Variants in ASPH observed in about 807,000 individuals in gnomAD.
ASPH encodes aspartyl/asparaginyl beta-hydroxylase.
Under a neutral mutation model 118.4 loss-of-function variants are expected in ASPH, and 100 were observed. The observed-to-expected ratio is 0.84, with a 90% CI of 0.72 to 1.00. ASPH has a LOEUF of 1.00. Among genes scored for constraint, ASPH ranks in the 50% least tolerant of loss-of-function variants. ASPH has a pLI of 0.00. For synonymous variants in ASPH, 315 were observed against 325.6 expected (o/e 0.97, Z 0.35); for missense variants, 920 against 919.5 (o/e 1.00, Z -0.01).
intron 10 of ASPH, among the ~76,000 whole-genome samples, chr8:61,639,573 C>G (rs917577329): frequency 3.9e-5 from 6 of 152,172 alleles, no homozygotes; most frequent in African/African-American, 1.4e-4. Flanking sequence ...TCCTTAAATG[C>G]TGGCTTTCTT....
At chr8:61,560,925 AAAG>A (rs562816956) in intron 18 of ASPH, among the ~76,000 whole-genome samples, 177 of 151,876 alleles carry the variant, frequency 1.2e-3, no homozygotes, top group Admixed American at 8.1e-3. Flanking sequence ...AGATGGAAAG[AAAG>A]AAGGAGGAAA....
At chr8:61,677,431 G>A (rs1010427537) in intron 3 of ASPH, among the ~76,000 whole-genome samples, 12 of 152,178 alleles carry the variant, frequency 7.9e-5, no homozygotes, top group Middle Eastern at 6.8e-3. Context: ...TTGGAACCAC[G>A]TAATTCAGTC....
At chr8:61,534,016 C>T (rs371554299) in intron 21 of ASPH, among the ~76,000 whole-genome samples, 3 of 152,248 alleles carry the variant, frequency 2.0e-5, no homozygotes, top group East Asian at 1.9e-4. Context: ...GGCGCGATCT[C>T]GGCTCACCAC....
At chr8:61,704,199 A>T (rs1835969641) in intron 1 of ASPH, among the ~76,000 whole-genome samples, 1 of 11,978 alleles carries the variant, frequency 8.3e-5, no homozygotes, top group Non-Finnish European at 2.2e-4. Flanking sequence ...CGTCTCAAAA[A>T]AAAAAAAAAA....
chr8:61,652,122 C>A (rs1811321736), intron 4 of ASPH, among the ~76,000 whole-genome samples: 1 of 152,146 alleles, frequency 6.6e-6, no homozygotes, highest in Non-Finnish European at 1.5e-5. Context: ...GTTTATATTT[C>A]ACAAGCCATT....
intron 13 of ASPH, among the ~76,000 whole-genome samples, chr8:61,629,371 C>G (rs1438422828): frequency 6.6e-6 from 1 of 152,150 alleles, no homozygotes; most frequent in African/African-American, 2.4e-5. Flanking sequence ...CTTCATAAGT[C>G]GTTCCATTTG....
chr8:61,689,834 G>C, intron 1 of ASPH: 5 of 1,409,516 alleles, frequency 3.5e-6, no homozygotes, highest in Non-Finnish European at 9.3e-7. Flanking sequence ...CACTGTAAGG[G>C]CCTCTAGAAC....
At chr8:61,706,908 T>C (rs905612367) in intron 1 of ASPH, among the ~76,000 whole-genome samples, 3 of 152,188 alleles carry the variant, frequency 2.0e-5, no homozygotes, top group Non-Finnish European at 1.5e-5. Context: ...GACATTCTCA[T>C]TGGCCCTTTT....
intron 5 of ASPH, among the ~76,000 whole-genome samples, chr8:61,650,727 C>T (rs538368576): frequency 2.0e-5 from 3 of 152,264 alleles, no homozygotes; most frequent in Admixed American, 6.5e-5. Flanking sequence ...TGAACCCGAC[C>T]GTGGGCCTGT....
chr8:61,669,651 T>A (rs1821418383), intron 3 of ASPH, among the ~76,000 whole-genome samples: 1 of 152,210 alleles, frequency 6.6e-6, no homozygotes, highest in Non-Finnish European at 1.5e-5. Flanking sequence ...ATGAGTAGTA[T>A]CTAAGGTGTA....
Position 61,714,472 on chromosome 8 carries a change from C to T in ASPH, c.-101G>A, listed in dbSNP as rs879804974. On this transcript the variant is annotated 5_prime_UTR_variant, in exon 1 of 25. Coordinates refer to ENST00000379454, the MANE Select transcript of ASPH (RefSeq NM_004318.4). ...CGCTGGCGGCGGCGGGCCGCTGGAG[C>T]GGGTTCGGGCCGCTGCTCCTGCAGC... is the stretch of plus-strand genomic sequence containing the variant. 2.0e-5 allele frequency: 27 copies of T among 1,352,016 alleles called. No homozygotes were observed. Among genetic ancestry groups the T allele is most frequent in the Non-Finnish European group, 2.5e-5 (26 of 1,051,744 alleles). The allele number at this position is 1,352,016 out of a possible 1,614,324, so 83.8% of individuals were successfully genotyped here.
chr8:61,621,551 G>C (rs938451953), intron 13 of ASPH, among the ~76,000 whole-genome samples: 2 of 152,164 alleles, frequency 1.3e-5, no homozygotes, highest in Non-Finnish European at 2.9e-5. Flanking sequence ...TGCCAAAGAG[G>C]AAAATGACTT....
chr8:61,542,554 T>A (rs986166098), intron 21 of ASPH, among the ~76,000 whole-genome samples: 4 of 152,212 alleles, frequency 2.6e-5, no homozygotes, highest in African/African-American at 9.6e-5. Flanking sequence ...ATTACATCTT[T>A]CTATGCTATA....
At position 61,714,566 on chromosome 8, in the gene ASPH, C is replaced by G. The variant is rs1838933064; in HGVS notation, c.-195G>C. The G allele has an allele frequency of 2.4e-6, 2 of 841,512 alleles. No homozygotes were observed. The highest frequency in any genetic ancestry group is 1.8e-5 in the African/African-American group (1 of 55,740). The allele number at this position is 841,512 out of a possible 1,614,324, so 52.1% of individuals were successfully genotyped here. On this transcript the variant is annotated 5_prime_UTR_variant, in exon 1 of 25. Coordinates refer to ENST00000379454, the MANE Select transcript of ASPH (RefSeq NM_004318.4). ...CACCCGCCTGCCGGCTGCGCGCGCC[C>G]GGCCTCGCGTGTACGAACCTGTGAC...
chr8:61,508,628 C>A (rs1424609584), intron 24 of ASPH, among the ~76,000 whole-genome samples: 1 of 152,212 alleles, frequency 6.6e-6, no homozygotes, highest in Non-Finnish European at 1.5e-5. Flanking sequence ...AGGCAAAGGA[C>A]ATGACTGTGA....
At chr8:61,667,133 A>G (rs1210919445) in intron 3 of ASPH, among the ~76,000 whole-genome samples, 1 of 152,146 alleles carries the variant, frequency 6.6e-6, no homozygotes, top group Non-Finnish European at 1.5e-5. Context: ...ATCTGTTCAT[A>G]TTTCACCAAA....
At chr8:61,620,588 C>T (rs1431133464) in intron 13 of ASPH, among the ~76,000 whole-genome samples, 1 of 151,956 alleles carries the variant, frequency 6.6e-6, no homozygotes. Context: ...CTGAACTAGA[C>T]TATTCAATAC....
At position 61,517,568 on chromosome 8, in the gene ASPH, G is replaced by T. The variant is rs775444911; in HGVS notation, c.2086C>A (p.Pro696Thr). ...RLRMHLGLVI[P>T]KEGCKIRCAN... ...CATCGAATCTTGCAGCCTTCCTTGGGAATCACCAAGCCCAGGTGCATTCGG... is the reference window on the plus strand; with the variant it reads ...CATCGAATCTTGCAGCCTTCCTTGGTAATCACCAAGCCCAGGTGCATTCGG... Residue 696 changes from proline (P) to threonine (T), a missense_variant, in exon 24 of 25, where the codon CCC (proline) becomes ACC (threonine). Transcript: ENST00000379454. 1.9e-6 allele frequency: 3 copies of T among 1,614,154 alleles called. No homozygotes were observed. In the East Asian group the frequency reaches 6.7e-5, roughly 36 times the overall value.
chr8:61,579,563 C>G (rs1338630087), intron 15 of ASPH: 3 of 1,517,008 alleles, frequency 2.0e-6, no homozygotes, highest in East Asian at 2.2e-5. Context: ...CTGGCGCAGG[C>G]TCCAGCTCCC....
Sources: gnomAD v4.1 joint callset for allele counts (sites outside exome capture counted in the v4.1 genomes callset) on GRCh38, gnomAD v4.1.1 for gene constraint, MANE v1.5 for transcripts, NCBI Gene and HGNC (gene_info 2026-07-23, HGNC 2026-07-21) for gene names.